GRIA4: variants seen among roughly 807,000 people sequenced by gnomAD.
The protein encoded by GRIA4 is glutamate receptor 4.
A neutral mutation model predicts 104.0 loss-of-function variants in GRIA4; 34 were observed. The ratio of observed to expected loss-of-function variants is 0.33; its 90% confidence interval spans 0.25 to 0.44. GRIA4 has a LOEUF of 0.44. GRIA4 is among the 20% of genes least tolerant of loss of function. The pLI, the probability that GRIA4 is intolerant of heterozygous loss-of-function variation, is 1.00. For missense variants in GRIA4, 750 were observed against 1,096.5 expected (o/e 0.68, Z 4.46); for synonymous variants, 386 against 381.9 (o/e 1.01, Z -0.13).
chr11:105,626,146 C>T (rs1176835189), intron 3 of GRIA4, among the ~76,000 whole-genome samples: 1 of 151,986 alleles, frequency 6.6e-6, no homozygotes, highest in Non-Finnish European at 1.5e-5. Context: ...TCCATATTGT[C>T]CACAACAGTT....
intron 5 of GRIA4, among the ~76,000 whole-genome samples, chr11:105,865,136 C>T (rs1945359067): frequency 6.6e-6 from 1 of 152,154 alleles, no homozygotes; most frequent in Admixed American, 6.5e-5. Context: ...TAGACATATA[C>T]TCATTCAAGC....
intron 14 of GRIA4, among the ~76,000 whole-genome samples, chr11:105,954,910 T>TTATATATA (rs56101816): frequency 0.19 from 8,469 of 45,314 alleles, 322 homozygotes; most frequent in East Asian, 0.37. Flanking sequence ...TGCTTTCAAT[T>TTATATATA]TATATATATA....
At chr11:105,727,680 C>A (rs531436326) in intron 3 of GRIA4, among the ~76,000 whole-genome samples, 1 of 152,100 alleles carries the variant, frequency 6.6e-6, no homozygotes. Context: ...CAGATCTCTA[C>A]GCAGAAACCC....
intron 4 of GRIA4, among the ~76,000 whole-genome samples, chr11:105,786,400 T>C (rs1054610568): frequency 2.0e-5 from 3 of 152,176 alleles, no homozygotes; most frequent in Non-Finnish European, 4.4e-5. Context: ...CAGTGTACTA[T>C]TGATTTGTGG....
chr11:105,755,617 G>C (rs1207614958), intron 4 of GRIA4, among the ~76,000 whole-genome samples: 1 of 152,168 alleles, frequency 6.6e-6, no homozygotes, highest in South Asian at 2.1e-4. Context: ...GCTAAGGGAT[G>C]CCTAGATAGC....
intron 4 of GRIA4, among the ~76,000 whole-genome samples, chr11:105,849,196 A>C (rs1304093895): frequency 1.3e-5 from 2 of 152,166 alleles, no homozygotes; most frequent in Non-Finnish European, 2.9e-5. Flanking sequence ...TCCATCTCAA[A>C]AAAAAGAAAA....
chr11:105,919,775 TTCA>T (rs1356712205), intron 11 of GRIA4, among the ~76,000 whole-genome samples: 1 of 152,152 alleles, frequency 6.6e-6, no homozygotes, highest in Non-Finnish European at 1.5e-5. Flanking sequence ...GGAAACTCTA[TTCA>T]TCGAGTAACC....
intron 3 of GRIA4, chr11:105,614,112 A>C (rs1377610668): frequency 6.6e-6 from 1 of 151,778 alleles, no homozygotes. Context: ...TGTCAATCTT[A>C]CTACTTTTAA....
Position 105,933,934 on chromosome 11 carries a change from C to T in GRIA4, c.2259C>T (p.Gly753=). Residue 753 remains glycine, a synonymous_variant, in exon 14 of 17, where the codon GGC becomes GGT. Coordinates refer to ENST00000282499, the MANE Select transcript of GRIA4 (RefSeq NM_000829.4). ...MKVGGNLDSK[G]YGVATPKGSS... ...TGGGAGGAAATCTGGATTCCAAAGG[C>T]TATGGAGTAGCAACGCCCAAGGGTT... 1 of 1,613,002 alleles carries T rather than the reference C, an allele frequency of 6.2e-7. No individual in the cohort carries two copies. The highest frequency in any genetic ancestry group is 8.5e-7 in the Non-Finnish European group (1 of 1,179,176).
chr11:105,690,596 G>A lies in GRIA4; in HGVS notation c.248-62385G>A, dbSNP rs149381460. On this transcript the variant is annotated intron_variant, in intron 3 of 16. Coordinates refer to ENST00000282499, the MANE Select transcript of GRIA4 (RefSeq NM_000829.4). Reference sequence around the variant, plus strand: ...AGCAAACATTCCAAATGAAGAATTAGGAATGTGCATAAAGCTTTCTTAACA... The same window carrying A: ...AGCAAACATTCCAAATGAAGAATTAAGAATGTGCATAAAGCTTTCTTAACA... Among the ~76,000 whole-genome samples, 43 of 152,272 alleles carry A rather than the reference G, an allele frequency of 2.8e-4. 1 individual carries two copies. The highest frequency in any genetic ancestry group is 8.7e-4 in the African/African-American group (36 of 41,558).
chr11:105,687,338 C>T lies in GRIA4; in HGVS notation c.248-65643C>T, dbSNP rs112709919. On this transcript the variant is annotated intron_variant, in intron 3 of 16. Coordinates refer to ENST00000282499, the MANE Select transcript of GRIA4 (RefSeq NM_000829.4). ...TGTAGTTAGGAGGATAACAAGTGTA[C>T]GTCAATGTTTATTATTATTATTAAA... Among the ~76,000 whole-genome samples, 1,423 of 152,144 alleles carry T rather than the reference C, an allele frequency of 9.4e-3. 24 individuals carry two copies. Among genetic ancestry groups the T allele is most frequent in the African/African-American group, 0.032 (1,348 of 41,530 alleles).
intron 6 of GRIA4, among the ~76,000 whole-genome samples, chr11:105,894,068 T>G (rs1000544096): frequency 6.6e-6 from 1 of 152,186 alleles, no homozygotes; most frequent in African/African-American, 2.4e-5. Context: ...ATTTACTGAA[T>G]TCAAACCAGA....
chr11:105,957,587 A>G (rs1267557777), intron 14 of GRIA4, among the ~76,000 whole-genome samples: 2 of 152,112 alleles, frequency 1.3e-5, no homozygotes, highest in African/African-American at 4.8e-5. Context: ...TTGTCTTGGC[A>G]ATGTGGGCTC....
intron 7 of GRIA4, among the ~76,000 whole-genome samples, chr11:105,903,226 A>T (rs1280797989): frequency 6.6e-6 from 1 of 152,186 alleles, no homozygotes; most frequent in Non-Finnish European, 1.5e-5. Flanking sequence ...CATTTAGCAT[A>T]GTCACTGATG....
intron 3 of GRIA4, among the ~76,000 whole-genome samples, chr11:105,628,217 G>T (rs1470907368): frequency 6.6e-6 from 1 of 152,122 alleles, no homozygotes; most frequent in East Asian, 1.9e-4. Flanking sequence ...GAACTTTCAT[G>T]TGCATACCTT....
intron 14 of GRIA4, among the ~76,000 whole-genome samples, chr11:105,950,893 A>G (rs987644354): frequency 6.6e-6 from 1 of 152,150 alleles, no homozygotes; most frequent in African/African-American, 2.4e-5. Flanking sequence ...TACAGGGAAG[A>G]GTCATGATAG....
rs566063596 is a variant in GRIA4 at position 105,795,725 on chromosome 11, T to C, written c.487+42505T>C. ...AATAATTTGAGAAGATCAGAGATCT[T>C]CATTCTTTTTAGAAAAATAGAAAAA... On this transcript the variant is annotated intron_variant, in intron 4 of 16. Coordinates refer to ENST00000282499, the MANE Select transcript of GRIA4 (RefSeq NM_000829.4). Among the ~76,000 whole-genome samples the C allele has an allele frequency of 3.3e-5, 5 of 152,220 alleles. No homozygotes were observed. In the South Asian group the frequency reaches 8.3e-4, roughly 25 times the overall value.
chr11:105,956,866 G>A (rs1247988718), intron 14 of GRIA4, among the ~76,000 whole-genome samples: 2 of 152,194 alleles, frequency 1.3e-5, no homozygotes, highest in African/African-American at 2.4e-5. Flanking sequence ...CAGTGATGAT[G>A]AGCATTTTTT....
At chr11:105,853,655 A>G (rs190439919) in intron 4 of GRIA4, among the ~76,000 whole-genome samples, 11 of 152,322 alleles carry the variant, frequency 7.2e-5, no homozygotes, top group African/African-American at 2.6e-4. Context: ...AGAAATGAAA[A>G]TGTCATATGG....
Sources: gnomAD v4.1 joint callset for allele counts (sites outside exome capture counted in the v4.1 genomes callset) on GRCh38, gnomAD v4.1.1 for gene constraint, MANE v1.5 for transcripts, NCBI Gene and HGNC (gene_info 2026-07-23, HGNC 2026-07-21) for gene names.